The following C1orf21 variants were observed in gnomAD, a reference collection of about 807,000 sequenced individuals.
C1orf21 encodes uncharacterized protein C1orf21.
In C1orf21, 3 loss-of-function variants were observed where a neutral mutation model predicts 18.7. The ratio of observed to expected loss-of-function variants is 0.16; its 90% CI spans 0.07 to 0.42. The LOEUF (loss-of-function observed/expected upper bound fraction) is 0.42. Among genes scored for constraint, C1orf21 ranks in the 10% least tolerant of loss-of-function variants. C1orf21 has a pLI of 0.99. For synonymous variants in C1orf21, 41 were observed against 46.4 expected, an observed-to-expected ratio of 0.88 and a Z score of 0.47; for missense variants, 104 against 143.6, an observed-to-expected ratio of 0.72 and a Z score of 1.41.
chr1:184,619,041 T>C (rs1214575567), intron 5 of C1orf21, among the ~76,000 whole-genome samples: 1 of 152,248 alleles, frequency 6.6e-6, no homozygotes, highest in Non-Finnish European at 1.5e-5. Flanking sequence ...TTATGCGTGT[T>C]TAAGGATTCT....
chr1:184,444,446 A>G (rs1304850297), intron 1 of C1orf21, among the ~76,000 whole-genome samples: 1 of 151,922 alleles, frequency 6.6e-6, no homozygotes, highest in African/African-American at 2.4e-5. Flanking sequence ...CATCTTCCTC[A>G]TTTTCTCTTG....
At chr1:184,412,073 G>A (rs966195956) in intron 1 of C1orf21, 1 of 152,108 alleles carries the variant, frequency 6.6e-6, no homozygotes, top group Non-Finnish European at 1.5e-5. Flanking sequence ...ATCATTGGGG[G>A]GTTTTATATT....
intron 1 of C1orf21, among the ~76,000 whole-genome samples, chr1:184,447,339 C>T (rs1209876669): frequency 1.3e-5 from 2 of 152,160 alleles, no homozygotes; most frequent in Admixed American, 1.3e-4. Flanking sequence ...TTTTACCAGC[C>T]TTCCAAGTGT....
intron 1 of C1orf21, among the ~76,000 whole-genome samples, chr1:184,459,992 G>A (rs572087139): frequency 3.9e-5 from 6 of 152,108 alleles, no homozygotes; most frequent in Non-Finnish European, 5.9e-5. Context: ...CCTTCACTCC[G>A]TTTCTCTCCA....
intron 3 of C1orf21, among the ~76,000 whole-genome samples, chr1:184,552,070 T>G (rs1039082627): frequency 3.9e-5 from 6 of 152,070 alleles, no homozygotes; most frequent in African/African-American, 1.4e-4. Flanking sequence ...ACTTTTTACA[T>G]GAAATAGTAC....
At chr1:184,393,021 G>T (rs1471770481) in intron 1 of C1orf21, among the ~76,000 whole-genome samples, 1 of 151,662 alleles carries the variant, frequency 6.6e-6, no homozygotes, top group Non-Finnish European at 1.5e-5. Flanking sequence ...TAGAGATGAG[G>T]TCTTGCCATG....
chr1:184,466,739 T>G (rs1326417115), intron 1 of C1orf21, among the ~76,000 whole-genome samples: 1 of 151,806 alleles, frequency 6.6e-6, no homozygotes, highest in Admixed American at 6.6e-5. Flanking sequence ...AAACCTTGAT[T>G]TTTTTTTTCA....
At chr1:184,600,235 C>G (rs1225631134) in intron 5 of C1orf21, among the ~76,000 whole-genome samples, 2 of 151,872 alleles carry the variant, frequency 1.3e-5, no homozygotes, top group African/African-American at 2.4e-5. Flanking sequence ...GGTGCAATCT[C>G]AGCTCACTCT....
chr1:184,493,238 A>G (rs190086990), intron 2 of C1orf21, among the ~76,000 whole-genome samples: 15 of 152,332 alleles, frequency 9.8e-5, no homozygotes, highest in African/African-American at 3.6e-4. Flanking sequence ...TGGAGAGGAC[A>G]CAGGCCGTGA....
chr1:184,441,057 G>A (rs1224048886), intron 1 of C1orf21, among the ~76,000 whole-genome samples: 1 of 152,118 alleles, frequency 6.6e-6, no homozygotes, highest in Non-Finnish European at 1.5e-5. Context: ...GAGGCATCAC[G>A]GGAGAAGTAC....
At chr1:184,565,603 T>C (rs773011875) in intron 3 of C1orf21, among the ~76,000 whole-genome samples, 5 of 152,260 alleles carry the variant, frequency 3.3e-5, no homozygotes, top group Non-Finnish European at 7.3e-5. Context: ...TGGAAAATTA[T>C]TTGGGGTGTC....
At chr1:184,510,547 T>A (rs938900555) in intron 3 of C1orf21, among the ~76,000 whole-genome samples, 1 of 152,120 alleles carries the variant, frequency 6.6e-6, no homozygotes, top group Non-Finnish European at 1.5e-5. Flanking sequence ...CCTCAAAGTA[T>A]GGAATTGGGG....
chr1:184,448,276 G>A (rs1657062522), intron 1 of C1orf21, among the ~76,000 whole-genome samples: 1 of 152,090 alleles, frequency 6.6e-6, no homozygotes, highest in South Asian at 2.1e-4. Flanking sequence ...TAGAGATAGG[G>A]TTTTTCCATG....
chr1:184,477,155 T>G (rs1281551944), intron 1 of C1orf21, among the ~76,000 whole-genome samples: 1 of 152,170 alleles, frequency 6.6e-6, no homozygotes, highest in South Asian at 2.1e-4. Context: ...AGTTCACTCC[T>G]TGGCCATGTG....
At chr1:184,505,892 CT>C (rs1658054345) in intron 2 of C1orf21, among the ~76,000 whole-genome samples, 1 of 151,242 alleles carries the variant, frequency 6.6e-6, no homozygotes. Context: ...TTATTTTTAT[CT>C]CTGTGTAATT....
chr1:184,605,018 C>T (rs1043691195), intron 5 of C1orf21, among the ~76,000 whole-genome samples: 1 of 152,166 alleles, frequency 6.6e-6, no homozygotes, highest in Non-Finnish European at 1.5e-5. Context: ...ACTCTGAACT[C>T]AATAGCAGTG....
At chr1:184,457,689 T>C (rs1201588125) in intron 1 of C1orf21, among the ~76,000 whole-genome samples, 1 of 152,144 alleles carries the variant, frequency 6.6e-6, no homozygotes, top group Non-Finnish European at 1.5e-5. Context: ...CAGCTATCCA[T>C]GTGCTTGCTT....
chr1:184,476,277 C>T (rs762722951), intron 1 of C1orf21, among the ~76,000 whole-genome samples: 47 of 151,778 alleles, frequency 3.1e-4, no homozygotes, highest in African/African-American at 6.1e-4. Context: ...TGTTCATGGG[C>T]GGGGGGCAGT....
chr1:184,434,930 G>A (rs888008860), intron 1 of C1orf21, among the ~76,000 whole-genome samples: 1 of 152,102 alleles, frequency 6.6e-6, no homozygotes, highest in Non-Finnish European at 1.5e-5. Context: ...GCCAGGGAGT[G>A]GGATAATTTG....
Sources: gnomAD v4.1 joint callset for allele counts (sites outside exome capture counted in the v4.1 genomes callset) on GRCh38, gnomAD v4.1.1 for gene constraint, MANE v1.5 for transcripts, NCBI Gene and HGNC (gene_info 2026-07-23, HGNC 2026-07-21) for gene names.